The following SLC25A21 variants were observed in gnomAD, a reference collection of about 807,000 sequenced individuals.
SLC25A21 encodes the protein solute carrier family 25 member 21, also known as mitochondrial 2-oxodicarboxylate carrier.
In SLC25A21, 47 loss-of-function variants were observed where a neutral mutation model predicts 43.8. The observed-to-expected ratio is 1.07, with a 90% CI of 0.85 to 1.37. The LOEUF is 1.37. Among genes scored for constraint, SLC25A21 ranks in the 40% most tolerant of loss-of-function variants. The probability of loss-of-function intolerance (pLI) is 0.00; values close to 1 mark genes in which losing one functional copy is unlikely to be tolerated. For synonymous variants in SLC25A21, 131 were observed against 121.3 expected, an observed-to-expected ratio of 1.08 and a Z score of -0.52; for missense variants, 352 against 350.2, an observed-to-expected ratio of 1.00 and a Z score of -0.04.
At chr14:37,047,844 C>T (rs543785514) in intron 1 of SLC25A21, among the ~76,000 whole-genome samples, 1 of 152,272 alleles carries the variant, frequency 6.6e-6, no homozygotes, top group South Asian at 2.1e-4. Context: ...TGCCATCCTC[C>T]AAGTTATCTT....
chr14:36,692,805 C>A (rs974811420), intron 7 of SLC25A21, among the ~76,000 whole-genome samples: 3 of 152,192 alleles, frequency 2.0e-5, no homozygotes, highest in Non-Finnish European at 2.9e-5. Context: ...GGGAACTCAG[C>A]ATTAAAATCT....
intron 1 of SLC25A21, among the ~76,000 whole-genome samples, chr14:37,166,144 C>T (rs1192512171): frequency 6.6e-6 from 1 of 152,166 alleles, no homozygotes; most frequent in Non-Finnish European, 1.5e-5. Context: ...CGGAGCAGAG[C>T]ATGTGCTAGA....
chr14:37,115,821 G>A (rs1000224444), intron 1 of SLC25A21, among the ~76,000 whole-genome samples: 1 of 152,140 alleles, frequency 6.6e-6, no homozygotes, highest in Non-Finnish European at 1.5e-5. Context: ...TATATAGCAA[G>A]TGTAAAATAT....
chr14:37,149,609 C>T (rs1963724860), intron 1 of SLC25A21, among the ~76,000 whole-genome samples: 2 of 152,032 alleles, frequency 1.3e-5, no homozygotes. Context: ...GCAGCAGAAT[C>T]GCTTAAACCG....
intron 1 of SLC25A21, among the ~76,000 whole-genome samples, chr14:37,017,876 G>A (rs534793423): frequency 4.6e-5 from 7 of 152,020 alleles, no homozygotes; most frequent in African/African-American, 1.7e-4. Context: ...ATATAAAATT[G>A]AAGGAATCCA....
chr14:36,912,185 T>C (rs953916370), intron 1 of SLC25A21, among the ~76,000 whole-genome samples: 1 of 152,214 alleles, frequency 6.6e-6, no homozygotes, highest in Non-Finnish European at 1.5e-5. Flanking sequence ...TAAGAATTTA[T>C]GGCAATGATG....
At chr14:36,891,400 T>G (rs1891067863) in intron 1 of SLC25A21, among the ~76,000 whole-genome samples, 1 of 152,182 alleles carries the variant, frequency 6.6e-6, no homozygotes, top group Admixed American at 6.6e-5. Flanking sequence ...ATTCACTCAG[T>G]GACTGGATTT....
intron 7 of SLC25A21, among the ~76,000 whole-genome samples, chr14:36,692,708 G>T (rs1566500832): frequency 6.6e-6 from 1 of 152,298 alleles, no homozygotes; most frequent in East Asian, 1.9e-4. Context: ...GTGAGGAGTG[G>T]GGGTGATGAG....
In SLC25A21 at chr14:37,126,369, AT is replaced by A. The variant is rs34473280; in HGVS notation, c.70+45911del. Among the ~76,000 whole-genome samples the A allele has an allele frequency of 1.5e-3, 220 of 149,940 alleles. 5 individuals carry two copies. In the East Asian group the frequency reaches 0.033, roughly 22 times the overall value. On this transcript the variant is annotated intron_variant, in intron 1 of 9. Coordinates refer to ENST00000331299, the MANE Select transcript of SLC25A21 (RefSeq NM_030631.4). Reference sequence around the variant, plus strand: ...CAATGCCCTCACTATAATATACCTAATTTTTTTTTTGAGGTGTGAGTCAACA... The same window carrying A: ...CAATGCCCTCACTATAATATACCTAATTTTTTTTTGAGGTGTGAGTCAACA...
intron 1 of SLC25A21, among the ~76,000 whole-genome samples, chr14:37,023,894 T>C (rs539614601): frequency 2.0e-5 from 3 of 152,064 alleles, no homozygotes; most frequent in African/African-American, 4.8e-5. Context: ...GAGCTCCAGA[T>C]AGACAAAGGA....
intron 6 of SLC25A21, among the ~76,000 whole-genome samples, chr14:36,719,088 T>C (rs1241689340): frequency 5.3e-5 from 8 of 152,172 alleles, no homozygotes; most frequent in Non-Finnish European, 1.5e-5. Context: ...ATAATAACTT[T>C]GAAGTAGATT....
intron 1 of SLC25A21, among the ~76,000 whole-genome samples, chr14:36,961,116 A>G (rs1959481167): frequency 7.7e-6 from 1 of 129,174 alleles, no homozygotes; most frequent in Non-Finnish European, 1.8e-5. Context: ...ACCACAATCA[A>G]TTAAAAAAGC....
intron 1 of SLC25A21, among the ~76,000 whole-genome samples, chr14:37,160,501 G>A (rs9635195): frequency 0.52 from 78,852 of 152,030 alleles, 23,217 homozygotes; most frequent in Non-Finnish European, 0.65. Flanking sequence ...TCACTTATAC[G>A]TGGGAGCTAA....
At chr14:36,983,544 G>A (rs1239769933) in intron 1 of SLC25A21, among the ~76,000 whole-genome samples, 2 of 152,204 alleles carry the variant, frequency 1.3e-5, no homozygotes, top group African/African-American at 4.8e-5. Flanking sequence ...TGGTGAAAAT[G>A]TAAGTTAGTT....
intron 2 of SLC25A21, among the ~76,000 whole-genome samples, chr14:36,828,894 C>A (rs1888933146): frequency 6.6e-6 from 1 of 152,068 alleles, no homozygotes; most frequent in South Asian, 2.1e-4. Context: ...CCACTCTCTA[C>A]CCCTTTCTTT....
chr14:36,990,193 G>T (rs1211501001), intron 1 of SLC25A21, among the ~76,000 whole-genome samples: 1 of 152,174 alleles, frequency 6.6e-6, no homozygotes, highest in African/African-American at 2.4e-5. Context: ...AGGAAAAGTG[G>T]TCATAAACAG....
intron 1 of SLC25A21, chr14:37,097,892 A>AT (rs1962732229): frequency 4.2e-5 from 2 of 47,372 alleles, no homozygotes; most frequent in African/African-American, 6.8e-5. Flanking sequence ...TCAAAAAAAA[A>AT]AAATAATAAT....
At chr14:37,045,699 A>G (rs988378266) in intron 1 of SLC25A21, among the ~76,000 whole-genome samples, 1 of 152,206 alleles carries the variant, frequency 6.6e-6, no homozygotes, top group Admixed American at 6.5e-5. Context: ...GTTCAGCATC[A>G]TTCATCCTGA....
intron 1 of SLC25A21, among the ~76,000 whole-genome samples, chr14:37,137,740 C>T (rs1161320442): frequency 1.3e-5 from 2 of 152,092 alleles, no homozygotes; most frequent in Non-Finnish European, 2.9e-5. Flanking sequence ...ATTATTTCCA[C>T]TATTCTCAAA....
Sources: allele counts gnomAD v4.1 joint callset (sites outside exome capture counted in the v4.1 genomes callset), GRCh38; gene constraint gnomAD v4.1.1; transcripts MANE v1.5; gene names NCBI Gene and HGNC (gene_info 2026-07-23, HGNC 2026-07-21).